The following UGT2A1 variants were observed in gnomAD, a reference collection of about 807,000 sequenced individuals.
UGT2A1 encodes UDP glucuronosyltransferase family 2 member A1 complex locus.
Under a neutral mutation model 45.4 loss-of-function variants are expected in UGT2A1, and 61 were observed. That is an observed-to-expected ratio of 1.34 (90% CI 1.09 to 1.66). UGT2A1 has a LOEUF of 1.66. Ranked by LOEUF, UGT2A1 falls within the 40% of genes most tolerant of loss-of-function variation. The pLI, the probability that UGT2A1 is intolerant of heterozygous loss-of-function variation, is 0.00. For missense variants in UGT2A1, 649 were observed against 574.3 expected (o/e 1.13, Z -1.33); for synonymous variants, 229 against 196.2 (o/e 1.17, Z -1.40).
At chr4:69,591,195 C>G (rs562512384) in intron 6 of UGT2A1, among the ~76,000 whole-genome samples, 2 of 152,094 alleles carry the variant, frequency 1.3e-5, no homozygotes, top group South Asian at 4.1e-4. Context: ...TATGAGTGAC[C>G]ATGGCCCATG....
intron 3 of UGT2A1, among the ~76,000 whole-genome samples, chr4:69,629,694 T>A (rs574501576): frequency 6.6e-6 from 1 of 152,228 alleles, no homozygotes; most frequent in East Asian, 1.9e-4. Context: ...ACAACTCTAC[T>A]GGAAGAGGAC....
chr4:69,641,177 A>G (rs1345180073), intron 2 of UGT2A1, among the ~76,000 whole-genome samples: 1 of 151,940 alleles, frequency 6.6e-6, no homozygotes, highest in Non-Finnish European at 1.5e-5. Flanking sequence ...ACCCAGAGTA[A>G]GGGAAAAAAT....
At chr4:69,626,991 C>T (rs1258406138) in intron 3 of UGT2A1, among the ~76,000 whole-genome samples, 3 of 151,706 alleles carry the variant, frequency 2.0e-5, no homozygotes, top group African/African-American at 4.8e-5. Flanking sequence ...AAATTAAACA[C>T]TTCTCCAGTG....
chr4:69,615,799 A>C (rs1487805785), intron 3 of UGT2A1, among the ~76,000 whole-genome samples: 1 of 152,054 alleles, frequency 6.6e-6, no homozygotes, highest in Non-Finnish European at 1.5e-5. Context: ...ACCCTTGTGC[A>C]CTGTTGGTGG....
intron 3 of UGT2A1, among the ~76,000 whole-genome samples, chr4:69,633,023 T>C (rs1463739394): frequency 1.3e-5 from 2 of 151,980 alleles, no homozygotes; most frequent in Non-Finnish European, 2.9e-5. Flanking sequence ...GTTGAAATGA[T>C]AAGAGGATGT....
intron 3 of UGT2A1, 34 bp from the exon 4 acceptor site, chr4:69,599,428 T>A: frequency 6.2e-7 from 1 of 1,606,094 alleles, no homozygotes; most frequent in South Asian, 1.1e-5. Flanking sequence ...ATGGAGGAAA[T>A]TAGCTTATAT....
At position 69,596,464 on chromosome 4, in the gene UGT2A1, A is replaced by G. The variant is rs1240646148; in HGVS notation, c.997-1215T>C. ...TTACTTACACATTTAAGTAGGTAAA[A>G]TTAAGATATATGTCAGAGAAACTGT... On this transcript the variant is annotated intron_variant, in intron 4 of 6. Transcript: ENST00000286604. The G allele has an allele frequency of 7.2e-6, 10 of 1,379,962 alleles. No individual in the cohort carries two copies. In the African/African-American group the frequency reaches 1.5e-4, roughly 20 times the overall value. The allele number at this position is 1,379,962 out of a possible 1,614,324, so 85.5% of individuals were successfully genotyped here. A position where few individuals can be genotyped will look rare whatever the true frequency, so the allele number is the denominator to read the frequency against.
chr4:69,649,320 G>A (rs966620889), intron 1 of UGT2A1, among the ~76,000 whole-genome samples: 2 of 152,040 alleles, frequency 1.3e-5, no homozygotes, highest in African/African-American at 4.8e-5. Context: ...CTCTGCAGAA[G>A]ATGTTATGGT....
chr4:69,616,741 T>C (rs1016848669), intron 3 of UGT2A1, among the ~76,000 whole-genome samples: 1 of 151,634 alleles, frequency 6.6e-6, no homozygotes, highest in East Asian at 1.9e-4. Context: ...GTATAAGCTA[T>C]AAATCCTCCA....
rs1256735348 is a variant in UGT2A1, at chr4:69,611,863, T to G, written c.848-12469A>C. 2.6e-5 allele frequency among the ~76,000 whole-genome samples: 4 copies of G among 152,242 alleles called. No homozygotes were observed. In the South Asian group the frequency reaches 8.3e-4, roughly 32 times the overall value. On this transcript the variant is annotated intron_variant, in intron 3 of 6. Coordinates refer to ENST00000286604, the MANE Select transcript of UGT2A1 (RefSeq NM_001252275.3). ...GAAAGCCTAATGGATTGCCCTAGTTTCCCTCATTACACATACGCATTCACA... is the reference window on the plus strand; with the variant it reads ...GAAAGCCTAATGGATTGCCCTAGTTGCCCTCATTACACATACGCATTCACA...
In UGT2A1 at chr4:69,589,179, C is replaced by T. The variant is rs1393417153; in HGVS notation, c.*193G>A. On this transcript the variant is annotated 3_prime_UTR_variant, in exon 7 of 7. Transcript: ENST00000286604. ...ACAAAGGAAAAATAGAAGACTATAA[C>T]TCACAAGTTAATAATAATCATGCCA... The T allele has an allele frequency of 1.5e-6, 1 of 677,474 alleles. No homozygotes were observed. The highest frequency in any genetic ancestry group is 1.8e-5 in the African/African-American group (1 of 55,278). The allele number at this position is 677,474 out of a possible 1,614,324, so 42.0% of individuals were successfully genotyped here. A position where few individuals can be genotyped will look rare whatever the true frequency, so the allele number is the denominator to read the frequency against.
intron 2 of UGT2A1, among the ~76,000 whole-genome samples, chr4:69,637,981 C>A (rs1489805387): frequency 2.3e-4 from 25 of 110,362 alleles, no homozygotes; most frequent in East Asian, 5.0e-4. Context: ...AAAAGGAAGG[C>A]AAGAAGGAAG....
At position 69,605,376 on chromosome 4, in the gene UGT2A1, C is replaced by G. The variant is rs571479076; in HGVS notation, c.848-5982G>C. 4.4e-3 allele frequency among the ~76,000 whole-genome samples: 602 copies of G among 136,504 alleles called. 97 individuals carry two copies. The highest frequency in any genetic ancestry group is 6.4e-3 in the Non-Finnish European group (408 of 64,184). The allele number at this position is 136,504 out of a possible 152,430, so 89.6% of individuals were successfully genotyped here. A position where few individuals can be genotyped will look rare whatever the true frequency, so the allele number is the denominator to read the frequency against. On this transcript the variant is annotated intron_variant, in intron 3 of 6. Coordinates refer to ENST00000286604, the MANE Select transcript of UGT2A1 (RefSeq NM_001252275.3). ...TAAAGATGTTCTTTGAAACTAACGA[C>G]AACAAAGACACAACATACCAGAATC...
chr4:69,625,040 C>T (rs1720963658), intron 3 of UGT2A1, among the ~76,000 whole-genome samples: 1 of 150,988 alleles, frequency 6.6e-6, no homozygotes, highest in South Asian at 2.1e-4. Context: ...ATTAAATTGG[C>T]TGGGTATTAA....
chr4:69,610,973 G>GATA (rs200712555), intron 3 of UGT2A1, among the ~76,000 whole-genome samples: 1,643 of 152,212 alleles, frequency 0.011, 12 homozygotes, highest in Middle Eastern at 0.02. Flanking sequence ...GATTCTTAAA[G>GATA]ATAATAGTTG....
chr4:69,644,616 C>T (rs1722175713), intron 2 of UGT2A1, among the ~76,000 whole-genome samples: 1 of 151,594 alleles, frequency 6.6e-6, no homozygotes, highest in South Asian at 2.1e-4. Flanking sequence ...TCACTTTTAT[C>T]TTTATAGGAC....
intron 3 of UGT2A1, among the ~76,000 whole-genome samples, chr4:69,604,651 T>G (rs540952018): frequency 7.3e-6 from 1 of 136,642 alleles, no homozygotes; most frequent in Non-Finnish European, 1.6e-5. Context: ...CCAAGACCCA[T>G]CAGTGTGCTG....
At chr4:69,600,828 C>T (rs965850422) in intron 3 of UGT2A1, among the ~76,000 whole-genome samples, 2 of 151,446 alleles carry the variant, frequency 1.3e-5, no homozygotes, top group East Asian at 3.9e-4. Flanking sequence ...AAACAGATCT[C>T]GTGATAACTC....
chr4:69,639,738 C>T (rs747810533), intron 2 of UGT2A1: 33 of 1,175,694 alleles, frequency 2.8e-5, no homozygotes, highest in Non-Finnish European at 3.4e-5. Flanking sequence ...TACACTCAGT[C>T]GTAGGTCAAT....
Sources: allele counts gnomAD v4.1 joint callset (sites outside exome capture counted in the v4.1 genomes callset), GRCh38; gene constraint gnomAD v4.1.1; transcripts MANE v1.5; gene names NCBI Gene and HGNC (gene_info 2026-07-23, HGNC 2026-07-21).